The following NFATC2 variants were observed in gnomAD, a reference collection of about 807,000 sequenced individuals.
The protein encoded by NFATC2 is nuclear factor of activated T cells 2.
NFATC2 carries 22 observed loss-of-function variants against 87.3 expected under a neutral mutation model. The observed-to-expected ratio is 0.25, with a 90% CI of 0.18 to 0.36. NFATC2 has a LOEUF of 0.36. NFATC2 is among the 10% of genes least tolerant of loss of function. NFATC2 has a pLI of 1.00. For synonymous variants in NFATC2, 565 were observed against 542.2 expected (o/e 1.04, Z -0.58); for missense variants, 1,149 against 1,259.1 (o/e 0.91, Z 1.32).
intron 2 of NFATC2, among the ~76,000 whole-genome samples, chr20:51,517,251 T>A: frequency 6.6e-6 from 1 of 152,122 alleles, no homozygotes; most frequent in East Asian, 1.9e-4. Flanking sequence ...ATGGGAATTA[T>A]TTGAGTATCT....
intron 8 of NFATC2, among the ~76,000 whole-genome samples, chr20:51,434,655 A>G (rs1983285369): frequency 6.6e-6 from 1 of 152,196 alleles, no homozygotes; most frequent in South Asian, 2.1e-4. Flanking sequence ...TGACACTCAG[A>G]TATTTTCTGG....
intron 9 of NFATC2, among the ~76,000 whole-genome samples, chr20:51,400,668 T>C (rs1987932014): frequency 6.6e-6 from 1 of 152,184 alleles, no homozygotes; most frequent in Non-Finnish European, 1.5e-5. Flanking sequence ...TTCATTCAAC[T>C]GAGGCCCGAA....
chr20:51,474,955 ATAT>A (rs1249380659), intron 4 of NFATC2, among the ~76,000 whole-genome samples: 1 of 150,702 alleles, frequency 6.6e-6, no homozygotes, highest in African/African-American at 2.5e-5. Flanking sequence ...AAATACTGAC[ATAT>A]TATACTTTAT....
chr20:51,559,014 G>T, intron 1 of NFATC2, among the ~76,000 whole-genome samples: 1 of 152,196 alleles, frequency 6.6e-6, no homozygotes, highest in East Asian at 1.9e-4. Flanking sequence ...TTAGTCATGG[G>T]AGTGTCTGGT....
rs992664801 is a variant in NFATC2, at chr20:51,388,144, C to A, written c.*3352G>T. 6 of 152,174 alleles carry A rather than the reference C, an allele frequency of 3.9e-5. No individual in the cohort carries two copies. Among genetic ancestry groups the A allele is most frequent in the African/African-American group, 1.2e-4 (5 of 41,426 alleles). The allele number at this position is 152,174 out of a possible 1,614,324, so 9.4% of individuals were successfully genotyped here. A position where few individuals can be genotyped will look rare whatever the true frequency, so the allele number is the denominator to read the frequency against. ...TACCAGGATTTAGATTTGGTCCCTTCTGTAAATATTAGCCTGAACGTTGAG... is the reference window on the plus strand; with the variant it reads ...TACCAGGATTTAGATTTGGTCCCTTATGTAAATATTAGCCTGAACGTTGAG... On this transcript the variant is annotated 3_prime_UTR_variant, in exon 11 of 11. Transcript: ENST00000371564.
chr20:51,392,421 G>GGT (rs1416791109), intron 10 of NFATC2, among the ~76,000 whole-genome samples: 15 of 152,172 alleles, frequency 9.9e-5, no homozygotes, highest in Admixed American at 2.6e-4. Context: ...TTGCCCACTG[G>GGT]GTAAGGTACT....
At chr20:51,478,383 G>T (rs576768076) in intron 3 of NFATC2, among the ~76,000 whole-genome samples, 17 of 152,316 alleles carry the variant, frequency 1.1e-4, no homozygotes, top group African/African-American at 3.6e-4. Context: ...AGGTAGGATG[G>T]AGAGTGAGCC....
rs374023244 is a variant in NFATC2, at chr20:51,427,082, C to T, written c.2722+4985G>A. ...CTTTCTTTTCTGGACGTTTCCAGAA[C>T]GGGGTAAAACATCTCCTTTGAGTCC... On this transcript the variant is annotated intron_variant, in intron 9 of 10. Transcript: ENST00000371564. Among the ~76,000 whole-genome samples, 30 of 152,046 alleles carry T rather than the reference C, an allele frequency of 2.0e-4. No individual in the cohort carries two copies. In the South Asian group the frequency reaches 3.6e-3, roughly 18 times the overall value.
At position 51,391,421 on chromosome 20, in the gene NFATC2, C is replaced by T. The variant is rs2146194847; in HGVS notation, c.*75G>A. The stretch of plus-strand genomic sequence containing the variant: ...TTACGTCTGATTTCTGGCAGGAGGT[C>T]CTGAAAACTCCTTCCTGATAATTTC... On this transcript the variant is annotated 3_prime_UTR_variant, in exon 11 of 11. Coordinates refer to ENST00000371564, the MANE Select transcript of NFATC2 (RefSeq NM_012340.5). The T allele has an allele frequency of 2.5e-6, 4 of 1,606,670 alleles. No homozygotes were observed. The highest frequency in any genetic ancestry group is 2.6e-6 in the Non-Finnish European group (3 of 1,175,898).
At chr20:51,521,254 C>T (rs1259521841) in intron 2 of NFATC2, among the ~76,000 whole-genome samples, 1 of 152,222 alleles carries the variant, frequency 6.6e-6, no homozygotes, top group Non-Finnish European at 1.5e-5. Context: ...GGGCAGGGCC[C>T]GAGGCCACCC....
chr20:51,500,931 G>A (rs2076079814), intron 3 of NFATC2, among the ~76,000 whole-genome samples: 3 of 136,296 alleles, frequency 2.2e-5, no homozygotes. Flanking sequence ...GAATGGAGTG[G>A]GAAGTGTTTT....
intron 5 of NFATC2, among the ~76,000 whole-genome samples, chr20:51,460,888 C>T (rs1461822206): frequency 6.6e-6 from 1 of 152,172 alleles, no homozygotes; most frequent in African/African-American, 2.4e-5. Flanking sequence ...AATGCAGATA[C>T]CCAGGCCACA....
intron 1 of NFATC2, among the ~76,000 whole-genome samples, chr20:51,530,081 G>A (rs532038886): frequency 6.6e-6 from 1 of 152,300 alleles, no homozygotes; most frequent in Admixed American, 6.5e-5. Flanking sequence ...CAAGACCTAG[G>A]AACAGGGAAA....
At chr20:51,412,998 C>G (rs1372851393) in intron 9 of NFATC2, among the ~76,000 whole-genome samples, 3 of 8,982 alleles carry the variant, frequency 3.3e-4, no homozygotes, top group Non-Finnish European at 9.9e-4. Flanking sequence ...CTCCCGCCGC[C>G]CCCCCCCCTC....
At chr20:51,499,777 G>A (rs895545628) in intron 3 of NFATC2, among the ~76,000 whole-genome samples, 5 of 141,242 alleles carry the variant, frequency 3.5e-5, no homozygotes, top group African/African-American at 1.6e-4. Context: ...GAAAGAAAAA[G>A]AAATCTAAAA....
intron 9 of NFATC2, among the ~76,000 whole-genome samples, chr20:51,399,997 C>G (rs1174009456): frequency 1.3e-5 from 2 of 152,222 alleles, no homozygotes; most frequent in African/African-American, 4.8e-5. Flanking sequence ...CTCCCCGTGT[C>G]TCACCTGTTC....
chr20:51,491,609 G>A (rs551079032), intron 3 of NFATC2, among the ~76,000 whole-genome samples: 3 of 152,160 alleles, frequency 2.0e-5, no homozygotes, highest in Non-Finnish European at 4.4e-5. Context: ...TGCTACCTCC[G>A]CCATGTGGAT....
chr20:51,391,810 C>T (rs1986384479), intron 10 of NFATC2, among the ~76,000 whole-genome samples: 1 of 152,090 alleles, frequency 6.6e-6, no homozygotes, highest in Admixed American at 6.5e-5. Flanking sequence ...ACCATTCTGC[C>T]CATCTCTATT....
At chr20:51,538,755 G>A (rs549661694) in intron 1 of NFATC2, among the ~76,000 whole-genome samples, 2 of 152,290 alleles carry the variant, frequency 1.3e-5, no homozygotes, top group South Asian at 4.1e-4. Context: ...TGATTTAAAT[G>A]GGTTAACCTA....
Sources: allele counts gnomAD v4.1 joint callset (sites outside exome capture counted in the v4.1 genomes callset), GRCh38; gene constraint gnomAD v4.1.1; transcripts MANE v1.5; gene names NCBI Gene and HGNC (gene_info 2026-07-23, HGNC 2026-07-21).